TRPM7: variants seen among roughly 807,000 people sequenced by gnomAD.
TRPM7 encodes transient receptor potential cation channel subfamily M member 7.
TRPM7 carries 134 observed loss-of-function variants against 229.7 expected under a neutral mutation model. That is an observed-to-expected ratio of 0.58 (90% CI 0.51 to 0.67). TRPM7 has a LOEUF of 0.67. Among genes scored for constraint, TRPM7 ranks in the 30% least tolerant of loss-of-function variants. TRPM7 has a pLI of 0.00. For missense variants in TRPM7, 1,901 were observed against 2,210.0 expected (o/e 0.86, Z 2.80); for synonymous variants, 699 against 715.2 (o/e 0.98, Z 0.36).
intron 1 of TRPM7, among the ~76,000 whole-genome samples, chr15:50,675,770 T>C (rs978080482): frequency 1.3e-5 from 2 of 152,164 alleles, no homozygotes; most frequent in Non-Finnish European, 2.9e-5. Flanking sequence ...ATTCCTAAAT[T>C]TGTATGTTCC....
At chr15:50,686,011 T>C (rs1372046165) in intron 1 of TRPM7, among the ~76,000 whole-genome samples, 1 of 152,202 alleles carries the variant, frequency 6.6e-6, no homozygotes, top group Admixed American at 6.5e-5. Context: ...CTGTAGAGTA[T>C]CCGCTGCACA....
At chr15:50,594,702 T>A in intron 23 of TRPM7, 89 bp from the exon 24 acceptor site, 1 of 878,520 alleles carries the variant, frequency 1.1e-6, no homozygotes, top group Non-Finnish European at 1.6e-6. Flanking sequence ...AATTCTGTAC[T>A]AAATAATAAT....
At position 50,574,975 on chromosome 15, in the gene TRPM7, G is replaced by C. The variant is rs1338695444; in HGVS notation, c.4896C>G (p.Thr1632=). ...ATTTGAGGATATCATGTTCTGACCA[G>C]GTACACTGTACTTTGACAGCTCTTC... is the stretch of plus-strand genomic sequence containing the variant. ...GLRRAVKVQC[T]WSEHDILKSG... is the part of the protein sequence containing the mutation. Residue 1632 remains threonine, a synonymous_variant, in exon 34 of 39, where the codon ACC becomes ACG. Transcript: ENST00000646667. 1.2e-6 allele frequency: 2 copies of C among 1,614,050 alleles called. No homozygotes were observed. The highest frequency in any genetic ancestry group is 1.7e-5 in the Admixed American group (1 of 60,012).
At position 50,561,580 on chromosome 15, in the gene TRPM7, C is replaced by T. The variant is rs1258217713; in HGVS notation, c.*98G>A. The T allele has an allele frequency of 1.5e-5, 22 of 1,446,706 alleles. No homozygotes were observed. Among genetic ancestry groups the T allele is most frequent in the Non-Finnish European group, 2.1e-5 (22 of 1,053,470 alleles). The allele number at this position is 1,446,706 out of a possible 1,614,324, so 89.6% of individuals were successfully genotyped here. A position where few individuals can be genotyped will look rare whatever the true frequency, so the allele number is the denominator to read the frequency against. On this transcript the variant is annotated 3_prime_UTR_variant, in exon 39 of 39. Transcript: ENST00000646667. Reference sequence around the variant, plus strand: ...AGTCAGCAAATTCAACTTGCATACACCTTTCTATATTACCAAACAATTTCC... The same window carrying T: ...AGTCAGCAAATTCAACTTGCATACATCTTTCTATATTACCAAACAATTTCC...
intron 13 of TRPM7, among the ~76,000 whole-genome samples, chr15:50,618,835 C>T (rs1012573245): frequency 2.0e-5 from 3 of 152,030 alleles, no homozygotes; most frequent in African/African-American, 7.2e-5. Flanking sequence ...TCCATAGGTA[C>T]CCATTGTCTA....
At chr15:50,680,280 C>T (rs944325898) in intron 1 of TRPM7, among the ~76,000 whole-genome samples, 5 of 152,064 alleles carry the variant, frequency 3.3e-5, no homozygotes, top group Middle Eastern at 3.4e-3. Context: ...CAGACTAATG[C>T]GTGTAATCCC....
chr15:50,582,102 C>T (rs1012032500), intron 29 of TRPM7, among the ~76,000 whole-genome samples: 1 of 152,202 alleles, frequency 6.6e-6, no homozygotes, highest in Admixed American at 6.5e-5. Context: ...AGCTGAATTA[C>T]AGGCATGTGC....
chr15:50,663,162 CTT>C (rs1222076136), intron 1 of TRPM7, 116 bp from the exon 2 acceptor site: 1 of 771,538 alleles, frequency 1.3e-6, no homozygotes, highest in Non-Finnish European at 2.1e-6. Context: ...GAGTTTTGCT[CTT>C]GTTGCCCAGA....
At chr15:50,580,833 A>G (rs771554774) in intron 30 of TRPM7, 41 bp downstream of exon 30, 5 of 1,564,142 alleles carry the variant, frequency 3.2e-6, no homozygotes, top group Non-Finnish European at 4.3e-6. Context: ...TTCAATAACT[A>G]TGATACTTCG....
intron 1 of TRPM7, among the ~76,000 whole-genome samples, chr15:50,672,686 GATC>G (rs1306480101): frequency 6.6e-6 from 1 of 151,826 alleles, no homozygotes; most frequent in Non-Finnish European, 1.5e-5. Flanking sequence ...GAGGCAGGCG[GATC>G]ATCTGAGGTC....
At chr15:50,631,854 A>G (rs747570119) in intron 9 of TRPM7, among the ~76,000 whole-genome samples, 5 of 152,206 alleles carry the variant, frequency 3.3e-5, no homozygotes, top group Non-Finnish European at 5.9e-5. Context: ...TAAATCCTAC[A>G]GGTCCTTCCA....
At chr15:50,561,896 C>CTTTTAT in intron 38 of TRPM7, 88 bp from the exon 39 acceptor site, 1 of 1,278,874 alleles carries the variant, frequency 7.8e-7, no homozygotes, top group Non-Finnish European at 1.0e-6. Flanking sequence ...AATTAGGAAC[C>CTTTTAT]TTTTATTTTC....
chr15:50,641,005 G>GC (rs779733915), intron 5 of TRPM7, among the ~76,000 whole-genome samples: 3 of 152,162 alleles, frequency 2.0e-5, no homozygotes, highest in Non-Finnish European at 2.9e-5. Flanking sequence ...GGTTACAGCA[G>GC]CCCCGGCAAA....
chr15:50,671,371 C>A (rs2061983910), intron 1 of TRPM7, among the ~76,000 whole-genome samples: 1 of 152,068 alleles, frequency 6.6e-6, no homozygotes, highest in African/African-American at 2.4e-5. Context: ...CCATCCAGGT[C>A]ACAAAAAACA....
Position 50,584,935 on chromosome 15 carries a change from G to A in TRPM7, c.4486+1457C>T, listed in dbSNP as rs557318534. On this transcript the variant is annotated intron_variant, in intron 28 of 38. Coordinates refer to ENST00000646667, the MANE Select transcript of TRPM7 (RefSeq NM_017672.6). ...CCATTGCACAGGCTGGAGTGCAGTC[G>A]CGCTATCTTGGCTCACTGCAACCTC... Among the ~76,000 whole-genome samples the A allele has an allele frequency of 1.2e-4, 18 of 151,984 alleles. No individual in the cohort carries two copies. In the South Asian group the frequency reaches 1.9e-3, roughly 16 times the overall value.
chr15:50,584,827 G>C (rs906520512), intron 28 of TRPM7, among the ~76,000 whole-genome samples: 1 of 151,842 alleles, frequency 6.6e-6, no homozygotes, highest in South Asian at 2.1e-4. Context: ...TAAATACTGA[G>C]AATTCTTTTT....
intron 38 of TRPM7, among the ~76,000 whole-genome samples, chr15:50,564,338 G>T (rs1045892108): frequency 2.0e-5 from 3 of 149,888 alleles, no homozygotes; most frequent in Non-Finnish European, 3.0e-5. Context: ...AATATAGGTA[G>T]CTGAACAGAA....
In TRPM7 at chr15:50,608,052, C is replaced by CAAA. The variant is rs570861548; in HGVS notation, c.2581-727_2581-725dup. Among the ~76,000 whole-genome samples, 144 of 76,244 alleles carry CAAA rather than the reference C, an allele frequency of 1.9e-3. 1 individual carries two copies. The highest frequency in any genetic ancestry group is 7.2e-3 in the African/African-American group (122 of 16,862). 50.0% of individuals were successfully genotyped at this position (76,244 alleles called of 152,430 possible). A position where few individuals can be genotyped will look rare whatever the true frequency, so the allele number is the denominator to read the frequency against. Reference sequence around the variant, plus strand: ...CCTGGGCAACAGAGCGAGACTCTGTCAAAAAAAAAAAAAAAAAAGAAAGAA... The same window carrying CAAA: ...CCTGGGCAACAGAGCGAGACTCTGTCAAAAAAAAAAAAAAAAAAAAAGAAAGAA... On this transcript the variant is annotated intron_variant, in intron 19 of 38. Coordinates refer to ENST00000646667, the MANE Select transcript of TRPM7 (RefSeq NM_017672.6).
At chr15:50,587,689 T>C (rs1405215333) in intron 27 of TRPM7, among the ~76,000 whole-genome samples, 1 of 152,152 alleles carries the variant, frequency 6.6e-6, no homozygotes, top group Non-Finnish European at 1.5e-5. Flanking sequence ...TGCTTCGCAA[T>C]AGCAAAATGA....
Sources: allele counts gnomAD v4.1 joint callset (sites outside exome capture counted in the v4.1 genomes callset), GRCh38; gene constraint gnomAD v4.1.1; transcripts MANE v1.5; gene names NCBI Gene and HGNC (gene_info 2026-07-23, HGNC 2026-07-21).